PRDM5: variants seen among roughly 807,000 people sequenced by gnomAD.
PRDM5 encodes PR domain zinc finger protein 5.
A neutral mutation model predicts 81.2 loss-of-function variants in PRDM5; 56 were observed. The ratio of observed to expected loss-of-function variants is 0.69; its 90% CI spans 0.56 to 0.86. The LOEUF (loss-of-function observed/expected upper bound fraction) is 0.86. Among genes scored for constraint, PRDM5 ranks in the 40% least tolerant of loss-of-function variants. The pLI is 0.00. For synonymous variants in PRDM5, 267 were observed against 256.4 expected (o/e 1.04, Z -0.39); for missense variants, 697 against 770.1 (o/e 0.91, Z 1.12).
intron 3 of PRDM5, among the ~76,000 whole-genome samples, chr4:120,827,563 T>A (rs1386544149): frequency 6.6e-6 from 1 of 152,140 alleles, no homozygotes. Context: ...TTTCACAAAT[T>A]TTGAATGGTT....
chr4:120,876,325 T>A (rs189330724), intron 2 of PRDM5, among the ~76,000 whole-genome samples: 4 of 152,324 alleles, frequency 2.6e-5, no homozygotes, highest in Admixed American at 6.5e-5. Context: ...AGGTCTTTTT[T>A]AAAGTAAACT....
chr4:120,780,430 C>T (rs200057408), intron 12 of PRDM5, among the ~76,000 whole-genome samples: 8,086 of 151,798 alleles, frequency 0.053, 342 homozygotes, highest in Middle Eastern at 0.15. Context: ...GGCAACAGAG[C>T]GAGACTCTGT....
At chr4:120,782,871 T>C (rs1218501944) in intron 11 of PRDM5, among the ~76,000 whole-genome samples, 1 of 152,074 alleles carries the variant, frequency 6.6e-6, no homozygotes. Flanking sequence ...AACTATCAAG[T>C]GAATAAAAAT....
intron 2 of PRDM5, among the ~76,000 whole-genome samples, chr4:120,894,469 C>T (rs1764400638): frequency 6.6e-6 from 1 of 152,132 alleles, no homozygotes; most frequent in Non-Finnish European, 1.5e-5. Context: ...TTTAATATTT[C>T]TTCTGGCGCA....
At chr4:120,786,535 G>A (rs150816884) in intron 10 of PRDM5, among the ~76,000 whole-genome samples, 4 of 152,136 alleles carry the variant, frequency 2.6e-5, no homozygotes, top group Non-Finnish European at 5.9e-5. Flanking sequence ...CCAGATATTC[G>A]GGCAAAAGTA....
chr4:120,802,732 T>C (rs1208653542), intron 8 of PRDM5, among the ~76,000 whole-genome samples: 2 of 151,884 alleles, frequency 1.3e-5, no homozygotes, highest in Non-Finnish European at 2.9e-5. Context: ...AGACCAAAGG[T>C]AGATAAAACT....
chr4:120,804,094 G>A (rs1294492179), intron 8 of PRDM5, among the ~76,000 whole-genome samples: 1 of 152,116 alleles, frequency 6.6e-6, no homozygotes, highest in Non-Finnish European at 1.5e-5. Flanking sequence ...AAGATCAAAA[G>A]AGAAAAAGAA....
intron 14 of PRDM5, among the ~76,000 whole-genome samples, chr4:120,749,261 C>T (rs369403305): frequency 2.6e-5 from 4 of 152,052 alleles, no homozygotes; most frequent in Admixed American, 6.5e-5. Context: ...AGAGAGAACC[C>T]GTCACAAAAT....
intron 1 of PRDM5, among the ~76,000 whole-genome samples, chr4:120,914,433 T>G (rs1723868408): frequency 6.6e-6 from 1 of 152,148 alleles, no homozygotes; most frequent in Admixed American, 6.5e-5. Context: ...TATAAAACCA[T>G]AACTCCAGAG....
chr4:120,847,628 A>T (rs1418912751), intron 3 of PRDM5, among the ~76,000 whole-genome samples: 1 of 152,190 alleles, frequency 6.6e-6, no homozygotes, highest in African/African-American at 2.4e-5. Context: ...GTATAAAATC[A>T]TACTGCATGT....
At position 120,727,551 on chromosome 4, in the gene PRDM5, G is replaced by A. The variant is rs183236710; in HGVS notation, c.1624-17138C>T. On this transcript the variant is annotated intron_variant, in intron 14 of 15. Transcript: ENST00000264808. Reference sequence around the variant, plus strand: ...GCAAGACTGGATCACCAGGCACTCAGTGGGCCTCAAGAGTGGTACTAAAGC... The same window carrying A: ...GCAAGACTGGATCACCAGGCACTCAATGGGCCTCAAGAGTGGTACTAAAGC... Among the ~76,000 whole-genome samples, 51 of 152,308 alleles carry A rather than the reference G, an allele frequency of 3.3e-4. 1 individual carries two copies. The East Asian group carries it at 8.5e-3, about 25-fold the overall frequency.
At chr4:120,804,800 C>T (rs1303161244) in intron 8 of PRDM5, among the ~76,000 whole-genome samples, 2 of 152,056 alleles carry the variant, frequency 1.3e-5, no homozygotes, top group Non-Finnish European at 2.9e-5. Context: ...ACTAGAGAAG[C>T]AAGAACAAAC....
intron 3 of PRDM5, among the ~76,000 whole-genome samples, chr4:120,823,867 T>C (rs1374500632): frequency 1.3e-5 from 2 of 152,344 alleles, no homozygotes; most frequent in East Asian, 1.9e-4. Context: ...GTTTGGGTCA[T>C]GGGGACAGAC....
At chr4:120,744,552 A>G (rs1742673606) in intron 14 of PRDM5, among the ~76,000 whole-genome samples, 1 of 152,308 alleles carries the variant, frequency 6.6e-6, no homozygotes, top group African/African-American at 2.4e-5. Flanking sequence ...ATAAAGAAAA[A>G]AAGAGAGAAG....
Position 120,696,819 on chromosome 4 carries a change from T to C in PRDM5, c.1729-1544A>G, listed in dbSNP as rs186736958. Among the ~76,000 whole-genome samples the C allele has an allele frequency of 8.6e-5, 13 of 151,970 alleles. No individual in the cohort carries two copies. In the East Asian group the frequency reaches 2.5e-3, roughly 29 times the overall value. On this transcript the variant is annotated intron_variant, in intron 15 of 15. Transcript: ENST00000264808. ...AAGAAAACACCACTGTTCTAAAGAG[T>C]GGCAGTCCCCTGGAATATACAAGTG...
At chr4:120,752,734 A>G (rs1561092663) in intron 14 of PRDM5, among the ~76,000 whole-genome samples, 1 of 152,178 alleles carries the variant, frequency 6.6e-6, no homozygotes, top group Non-Finnish European at 1.5e-5. Context: ...CAGTCTCCCT[A>G]GGTTCAAATC....
intron 10 of PRDM5, among the ~76,000 whole-genome samples, chr4:120,786,517 G>A (rs1749783292): frequency 6.6e-6 from 1 of 152,062 alleles, no homozygotes; most frequent in African/African-American, 2.4e-5. Context: ...TGGCTTTGAG[G>A]CAAACGTCCA....
chr4:120,894,765 A>G (rs552323818), intron 2 of PRDM5, among the ~76,000 whole-genome samples: 1 of 152,318 alleles, frequency 6.6e-6, no homozygotes, highest in South Asian at 2.1e-4. Context: ...GAGAATGTCA[A>G]TTTCAAGGAT....
chr4:120,921,872 A>C (rs961943334), intron 1 of PRDM5, among the ~76,000 whole-genome samples: 1 of 152,148 alleles, frequency 6.6e-6, no homozygotes, highest in Non-Finnish European at 1.5e-5. Context: ...AATTAAAAAA[A>C]AAAAGAGCGG....
Sources: allele counts gnomAD v4.1 joint callset (sites outside exome capture counted in the v4.1 genomes callset), GRCh38; gene constraint gnomAD v4.1.1; transcripts MANE v1.5; gene names NCBI Gene and HGNC (gene_info 2026-07-23, HGNC 2026-07-21).